Variants in BCL11A observed in about 807,000 individuals in gnomAD.
BCL11A encodes BCL11 transcription factor A.
BCL11A carries 2 observed loss-of-function variants against 55.9 expected under a neutral mutation model. The observed-to-expected ratio is 0.04, with a 90% CI of 0.01 to 0.11. The LOEUF is 0.11. Ranked by LOEUF, BCL11A falls within the 10% of genes least tolerant of loss-of-function variation. BCL11A has a pLI of 1.00. For synonymous variants in BCL11A, 465 were observed against 473.4 expected (o/e 0.98, Z 0.23); for missense variants, 817 against 1,137.1 (o/e 0.72, Z 4.05).
intron 3 of BCL11A, among the ~76,000 whole-genome samples, chr2:60,467,951 GTACTGGTGGTGA>G (rs1179645962): frequency 1.8e-5 from 2 of 113,638 alleles, no homozygotes; most frequent in African/African-American, 3.2e-5. Context: ...GGTGGTGATG[GTACTGGTGGTGA>G]TGGTGGTGGT....
chr2:60,516,791 T>C (rs1395325070), intron 2 of BCL11A, among the ~76,000 whole-genome samples: 1 of 152,008 alleles, frequency 6.6e-6, no homozygotes, highest in Non-Finnish European at 1.5e-5. Context: ...GACATAAGAG[T>C]GCAGACATAA....
chr2:60,475,256 C>A (rs773409356), intron 2 of BCL11A, among the ~76,000 whole-genome samples: 1 of 152,190 alleles, frequency 6.6e-6, no homozygotes, highest in Non-Finnish European at 1.5e-5. Flanking sequence ...TTCACAAGTG[C>A]GTATTTTCCA....
intron 2 of BCL11A, among the ~76,000 whole-genome samples, chr2:60,511,073 A>G (rs1679957108): frequency 6.6e-6 from 1 of 152,224 alleles, no homozygotes; most frequent in African/African-American, 2.4e-5. Flanking sequence ...GTTTCCAGGC[A>G]CACTGAGATG....
downstream of BCL11A, among the ~76,000 whole-genome samples, chr2:60,456,899 T>C (rs72960699): frequency 9.0e-3 from 1,378 of 152,322 alleles, 27 homozygotes; most frequent in African/African-American, 0.031. Flanking sequence ...TTTTCACTTA[T>C]GTTTGAATGG....
chr2:60,506,073 C>T (rs1263240257), intron 2 of BCL11A, among the ~76,000 whole-genome samples: 1 of 152,200 alleles, frequency 6.6e-6, no homozygotes, highest in Non-Finnish European at 1.5e-5. Flanking sequence ...GTGAATCACT[C>T]ATAGGCAAGG....
At chr2:60,467,177 G>GTGGTGATGGTGGTGGTGGTGA (rs1676709770) in intron 3 of BCL11A, among the ~76,000 whole-genome samples, 9 of 137,678 alleles carry the variant, frequency 6.5e-5, no homozygotes, top group African/African-American at 2.5e-4. Context: ...GATGGTGGTG[G>GTGGTGATGGTGGTGGTGGTGA]TGGTGGTGGT....
chr2:60,503,375 C>T (rs987870775), intron 2 of BCL11A, among the ~76,000 whole-genome samples: 3 of 152,336 alleles, frequency 2.0e-5, no homozygotes, highest in Non-Finnish European at 2.9e-5. Flanking sequence ...TGCCACCCAC[C>T]GCAGCCTGGA....
chr2:60,526,189 T>A (rs1669194847), intron 2 of BCL11A: 1 of 152,242 alleles, frequency 6.6e-6, no homozygotes, highest in African/African-American at 2.4e-5. Context: ...ACTGGTGATT[T>A]GATCAAATTC....
At chr2:60,521,098 CACTCACA>C (rs768732992) in intron 2 of BCL11A, among the ~76,000 whole-genome samples, 1,586 of 81,396 alleles carry the variant, frequency 0.019, 14 homozygotes, top group East Asian at 0.059. Flanking sequence ...CACACACACA[CACTCACA>C]CACACACACA....
downstream of BCL11A, among the ~76,000 whole-genome samples, chr2:60,456,004 A>G (rs1402947050): frequency 6.6e-6 from 1 of 152,006 alleles, no homozygotes; most frequent in Admixed American, 6.6e-5. Context: ...AATATTCTCC[A>G]ACATCCTTTC....
intron 2 of BCL11A, among the ~76,000 whole-genome samples, chr2:60,490,810 T>C (rs1359706525): frequency 2.0e-5 from 3 of 152,216 alleles, no homozygotes; most frequent in South Asian, 2.1e-4. Context: ...ACAAATAGCA[T>C]ATAAATGACT....
At chr2:60,522,233 A>G (rs1669026539) in intron 2 of BCL11A, 2 of 152,296 alleles carry the variant, frequency 1.3e-5, no homozygotes, top group Non-Finnish European at 2.9e-5. Flanking sequence ...CTGTAACCCT[A>G]TCGCCTCCCT....
intron 2 of BCL11A, among the ~76,000 whole-genome samples, chr2:60,530,452 C>G (rs1012419240): frequency 6.6e-6 from 1 of 151,992 alleles, no homozygotes; most frequent in African/African-American, 2.4e-5. Context: ...CACAACCAAA[C>G]CCTTCCCATC....
chr2:60,548,096 C>A lies in BCL11A; in HGVS notation c.56-1796G>T, dbSNP rs1294429398. ...GTGCCTTAATGTCATTCTTCTCTTA[C>A]ATTTGCTTCCATTTTGACCAAGTGA... On this transcript the variant is annotated intron_variant, in intron 1 of 3. Coordinates refer to ENST00000642384, the MANE Select transcript of BCL11A (RefSeq NM_022893.4). Among the ~76,000 whole-genome samples the A allele has an allele frequency of 2.0e-5, 3 of 152,210 alleles. No individual in the cohort carries two copies. The South Asian group carries it at 6.2e-4, about 31-fold the overall frequency.
rs1375881000 is a variant in BCL11A, at chr2:60,546,305, G to A, written c.56-5C>T. 1 of 1,609,856 alleles carries A rather than the reference G, an allele frequency of 6.2e-7. No individual in the cohort carries two copies. Among genetic ancestry groups the A allele is most frequent in the Non-Finnish European group, 8.5e-7 (1 of 1,177,394 alleles). ...GAATGGCTTCAAGAGGCTCGGCTGT[G>A]GTTGGAGAAACAAAAGCACAATTAT... On this transcript the variant is annotated splice_polypyrimidine_tract_variant and splice_region_variant and intron_variant, in intron 1 of 3. Coordinates refer to ENST00000642384, the MANE Select transcript of BCL11A (RefSeq NM_022893.4). The surrounding 1 kb of genome is among the most constrained non-coding windows in gnomAD (Gnocchi z 4.1).
At chr2:60,471,509 T>G (rs1677193401) in intron 2 of BCL11A, among the ~76,000 whole-genome samples, 1 of 152,268 alleles carries the variant, frequency 6.6e-6, no homozygotes, top group Admixed American at 6.5e-5. Flanking sequence ...GCTTAACTTC[T>G]TGCTATGATG....
intron 2 of BCL11A, among the ~76,000 whole-genome samples, chr2:60,529,528 C>T (rs755231502): frequency 6.6e-6 from 1 of 152,108 alleles, no homozygotes; most frequent in Non-Finnish European, 1.5e-5. Context: ...TCTTTCTGTC[C>T]CTCCTCCCTT....
At chr2:60,494,103 CAG>C (rs1216345014) in intron 2 of BCL11A, among the ~76,000 whole-genome samples, 3 of 152,158 alleles carry the variant, frequency 2.0e-5, no homozygotes, top group Non-Finnish European at 2.9e-5. Flanking sequence ...TGGCAATAAA[CAG>C]AGAGAAAGTG....
rs113367659 is a variant in BCL11A at position 60,493,997 on chromosome 2, C to T, written c.386-25164G>A. Among the ~76,000 whole-genome samples, 254 of 152,074 alleles carry T rather than the reference C, an allele frequency of 1.7e-3. 1 individual carries two copies. Among genetic ancestry groups the T allele is most frequent in the African/African-American group, 5.6e-3 (231 of 41,488 alleles). ...GGCGGAAGCTGATTAAAGGAAGGTA[C>T]GGGGAGTGGAGGGGAAGTGGACAAA... On this transcript the variant is annotated intron_variant, in intron 2 of 3. Transcript: ENST00000642384.
Sources: gnomAD v4.1 joint callset for allele counts (sites outside exome capture counted in the v4.1 genomes callset) on GRCh38, gnomAD v4.1.1 for gene constraint, Gnocchi (gnomAD v3.1) non-coding constraint, MANE v1.5 for transcripts, NCBI Gene and HGNC (gene_info 2026-07-23, HGNC 2026-07-21) for gene names.